Variants in LGR5 observed in about 807,000 individuals in gnomAD.
The protein encoded by LGR5 is leucine-rich repeat-containing G protein-coupled receptor 5.
A neutral mutation model predicts 76.7 loss-of-function variants in LGR5; 54 were observed. The ratio of observed to expected loss-of-function variants is 0.70; its 90% CI spans 0.57 to 0.88. LGR5 has a LOEUF of 0.88. Among genes scored for constraint, LGR5 ranks in the 40% least tolerant of loss-of-function variants. The pLI, the probability that LGR5 is intolerant of heterozygous loss-of-function variation, is 0.00. For synonymous variants in LGR5, 406 were observed against 421.9 expected (o/e 0.96, Z 0.46); for missense variants, 1,078 against 1,073.3 (o/e 1.00, Z -0.06).
At chr12:71,565,421 G>GATATATATATATAT (rs1565762535) in intron 8 of LGR5, among the ~76,000 whole-genome samples, 1 of 144,154 alleles carries the variant, frequency 6.9e-6, no homozygotes, top group Admixed American at 6.8e-5. Flanking sequence ...GATCAATTGA[G>GATATATATATATAT]CTATATATAT....
intron 3 of LGR5, among the ~76,000 whole-genome samples, chr12:71,528,471 T>G (rs1281136124): frequency 1.3e-5 from 2 of 151,832 alleles, no homozygotes; most frequent in Non-Finnish European, 2.9e-5. Context: ...AAAAAATATA[T>G]AAATAAAATA....
In LGR5 at chr12:71,440,102, G is replaced by A. The variant is rs758686494; in HGVS notation, c.22G>A (p.Val8Met). The A allele has an allele frequency of 1.2e-6, 2 of 1,605,092 alleles. No individual in the cohort carries two copies. The highest frequency in any genetic ancestry group is 1.1e-5 in the South Asian group (1 of 90,980). The part of the protein sequence containing the change: MDTSRLG[V>M]LLSLPVLLQL... ...CACCATGGACACCTCCCGGCTCGGT[G>A]TGCTCCTGTCCTTGCCTGTGCTGCT... The change falls in exon 1 of 18, where the codon GTG (valine) becomes ATG (methionine). Residue 8 changes from valine (V) to methionine (M), a missense_variant. Coordinates refer to ENST00000266674, the MANE Select transcript of LGR5 (RefSeq NM_003667.4). The surrounding 1 kb of genome is among the most constrained non-coding windows in gnomAD (Gnocchi z 5.3).
rs149854756 is a variant in LGR5, at chr12:71,515,932, G to A, written c.285-8474G>A. On this transcript the variant is annotated intron_variant, in intron 2 of 17. Coordinates refer to ENST00000266674, the MANE Select transcript of LGR5 (RefSeq NM_003667.4). ...GACTACATTTAAATAAATAAGGAAA[G>A]CAACAATGTTTTTCACTTTCCATAA... is the stretch of plus-strand genomic sequence containing the variant. 8.4e-3 allele frequency among the ~76,000 whole-genome samples: 1,285 copies of A among 152,308 alleles called. 8 individuals carry two copies. Among genetic ancestry groups the A allele is most frequent in the South Asian group, 0.015 (71 of 4,824 alleles).
intron 17 of LGR5, chr12:71,583,390 G>T (rs1879173622): frequency 4.3e-6 from 2 of 467,876 alleles, no homozygotes. Flanking sequence ...TCAATTAAGT[G>T]ATCGAAATTC....
At chr12:71,573,024 C>A (rs908214258) in intron 13 of LGR5, 103 bp downstream of exon 13, 26 of 763,020 alleles carry the variant, frequency 3.4e-5, no homozygotes, top group African/African-American at 2.3e-4. Flanking sequence ...TGTGGTGGGA[C>A]TTTTGTGCAT....
intron 6 of LGR5, among the ~76,000 whole-genome samples, chr12:71,557,562 G>T (rs990836890): frequency 6.6e-6 from 1 of 152,136 alleles, no homozygotes; most frequent in Non-Finnish European, 1.5e-5. Context: ...CAAAAGTTCA[G>T]TTCTTAATTG....
At chr12:71,546,618 CT>C (rs1250165126) in intron 4 of LGR5, among the ~76,000 whole-genome samples, 5 of 152,072 alleles carry the variant, frequency 3.3e-5, no homozygotes, top group Non-Finnish European at 7.4e-5. Context: ...CATTTTCACA[CT>C]TCCTTCAGGC....
Position 71,505,636 on chromosome 12 carries a change from C to A in LGR5, c.284+951C>A, listed in dbSNP as rs529548447. On this transcript the variant is annotated intron_variant, in intron 2 of 17. Coordinates refer to ENST00000266674, the MANE Select transcript of LGR5 (RefSeq NM_003667.4). The stretch of plus-strand genomic sequence containing the variant: ...AGGTGGAAAGAATGTTTCATCATAA[C>A]CAAATTACACTACGTTGACCATTTT... Among the ~76,000 whole-genome samples, 14 of 152,254 alleles carry A rather than the reference C, an allele frequency of 9.2e-5. No homozygotes were observed. The South Asian group carries it at 1.2e-3, about 14-fold the overall frequency.
At chr12:71,582,914 A>G (rs1029997139) in intron 17 of LGR5, among the ~76,000 whole-genome samples, 3 of 151,426 alleles carry the variant, frequency 2.0e-5, no homozygotes, top group African/African-American at 7.3e-5. Context: ...ACTATTTGGT[A>G]AAAGCAAATA....
At chr12:71,548,064 G>A (rs1052014036) in intron 4 of LGR5, among the ~76,000 whole-genome samples, 10 of 152,100 alleles carry the variant, frequency 6.6e-5, no homozygotes, top group Non-Finnish European at 1.3e-4. Context: ...ACAATTAAGA[G>A]CTTTTATCTG....
chr12:71,520,453 C>A (rs1057284262), intron 2 of LGR5, among the ~76,000 whole-genome samples: 13 of 151,902 alleles, frequency 8.6e-5, no homozygotes, highest in Non-Finnish European at 1.9e-4. Context: ...TGGGGATAAT[C>A]AAAAATTTGG....
chr12:71,556,719 T>C (rs374046026), intron 6 of LGR5, 29 bp downstream of exon 6: 8 of 1,503,852 alleles, frequency 5.3e-6, no homozygotes, highest in Non-Finnish European at 7.4e-6. Context: ...TGTTTCCCTT[T>C]TTTCAGTATT....
At chr12:71,470,772 G>A (rs1183726145) in intron 1 of LGR5, among the ~76,000 whole-genome samples, 2 of 152,076 alleles carry the variant, frequency 1.3e-5, no homozygotes, top group Admixed American at 6.6e-5. Context: ...AACCATCTCT[G>A]ACAGAACATG....
intron 1 of LGR5, among the ~76,000 whole-genome samples, chr12:71,457,705 A>G (rs1415992196): frequency 1.3e-5 from 2 of 152,188 alleles, no homozygotes; most frequent in Non-Finnish European, 2.9e-5. Context: ...TTGTGGGAAC[A>G]CCTTTACCTT....
intron 1 of LGR5, among the ~76,000 whole-genome samples, chr12:71,489,973 G>T (rs769785728): frequency 1.3e-5 from 2 of 151,976 alleles, no homozygotes; most frequent in Non-Finnish European, 2.9e-5. Context: ...CACAGCCTCC[G>T]AAGTAGCTGG....
chr12:71,582,793 C>G (rs1464264256), intron 17 of LGR5, among the ~76,000 whole-genome samples: 1 of 152,032 alleles, frequency 6.6e-6, no homozygotes, highest in Non-Finnish European at 1.5e-5. Flanking sequence ...TTGTTAGAGG[C>G]ATATGTAATT....
chr12:71,457,644 G>T (rs1227617283), intron 1 of LGR5, among the ~76,000 whole-genome samples: 5 of 152,098 alleles, frequency 3.3e-5, no homozygotes, highest in Non-Finnish European at 7.4e-5. Flanking sequence ...ACTAAACAAG[G>T]TTACCAAAGG....
At chr12:71,509,948 G>A (rs761737393) in intron 2 of LGR5, among the ~76,000 whole-genome samples, 1 of 152,136 alleles carries the variant, frequency 6.6e-6, no homozygotes, top group Non-Finnish European at 1.5e-5. Context: ...AATTTGTAAT[G>A]AGAGATCACT....
At chr12:71,516,424 G>A (rs145672101) in intron 2 of LGR5, among the ~76,000 whole-genome samples, 1,882 of 152,240 alleles carry the variant, frequency 0.012, 16 homozygotes, top group Middle Eastern at 0.034. Flanking sequence ...ATGCTACTCA[G>A]CCAAGTGGAC....
Sources: allele counts gnomAD v4.1 joint callset (sites outside exome capture counted in the v4.1 genomes callset), GRCh38; gene constraint gnomAD v4.1.1; non-coding constraint Gnocchi (gnomAD v3.1); transcripts MANE v1.5; gene names NCBI Gene and HGNC (gene_info 2026-07-23, HGNC 2026-07-21).